Variants in DPYSL2 observed in about 807,000 individuals in gnomAD.
DPYSL2 encodes the protein dihydropyrimidinase like 2.
Under a neutral mutation model 69.9 loss-of-function variants are expected in DPYSL2, and 13 were observed. That is an observed-to-expected ratio of 0.19 (90% CI 0.12 to 0.30). The LOEUF (loss-of-function observed/expected upper bound fraction) is 0.30, where lower values mean the gene tolerates loss of function less well. DPYSL2 is among the 10% of genes least tolerant of loss of function. The probability of loss-of-function intolerance (pLI) is 1.00; values close to 1 mark genes in which losing one functional copy is unlikely to be tolerated. For synonymous variants in DPYSL2, 326 were observed against 359.1 expected, an observed-to-expected ratio of 0.91 and a Z score of 1.04; for missense variants, 587 against 918.9, an observed-to-expected ratio of 0.64 and a Z score of 4.67.
At chr8:26,561,586 T>C (rs1348048273) in intron 1 of DPYSL2, among the ~76,000 whole-genome samples, 1 of 151,406 alleles carries the variant, frequency 6.6e-6, no homozygotes, top group Non-Finnish European at 1.5e-5. Context: ...ACTCACTTGG[T>C]CTTTCTTACA....
At chr8:26,584,024 G>A (rs1801544241) in intron 3 of DPYSL2, 41 bp downstream of exon 3, 3 of 1,567,174 alleles carry the variant, frequency 1.9e-6, no homozygotes, top group Non-Finnish European at 1.7e-6. Context: ...CTTAGGAAGT[G>A]TGAGAGTTTG....
chr8:26,624,414 T>A lies in DPYSL2; in HGVS notation c.793+107T>A, dbSNP rs1802572413. 1 of 1,393,788 alleles carries A rather than the reference T, an allele frequency of 7.2e-7. No homozygotes were observed. Among genetic ancestry groups the A allele is most frequent in the Non-Finnish European group, 9.8e-7 (1 of 1,015,624 alleles). The allele number at this position is 1,393,788 out of a possible 1,614,324, so 86.3% of individuals were successfully genotyped here. On this transcript the variant is annotated intron_variant, in intron 4 of 13. Coordinates refer to ENST00000521913, the MANE Select transcript of DPYSL2 (RefSeq NM_001197293.3). This position sits in a 1 kb window ranked among gnomAD's most constrained non-coding sequence, Gnocchi z 4.7. ...AATGCTTCCAGATCCCATTTGTGCC[T>A]CATGCCCATGCCTGCCCCTGGGAAG... is the stretch of plus-strand genomic sequence containing the variant.
Position 26,560,931 on chromosome 8 carries a change from T to C in DPYSL2, c.355-21038T>C, listed in dbSNP as rs560419307. Among the ~76,000 whole-genome samples, 21 of 152,274 alleles carry C rather than the reference T, an allele frequency of 1.4e-4. No homozygotes were observed. The highest frequency in any genetic ancestry group is 4.6e-4 in the African/African-American group (19 of 41,556). ...CTCCAAGTCTAAAGAAGAATTTAAA[T>C]TGAGCTAGGGGAAGGGAAGTTGTAA... On this transcript the variant is annotated intron_variant, in intron 1 of 13. Coordinates refer to ENST00000521913, the MANE Select transcript of DPYSL2 (RefSeq NM_001197293.3). This position sits in a 1 kb window ranked among gnomAD's most constrained non-coding sequence, Gnocchi z 4.4.
At chr8:26,600,577 A>G (rs1257124972) in intron 3 of DPYSL2, among the ~76,000 whole-genome samples, 1 of 152,074 alleles carries the variant, frequency 6.6e-6, no homozygotes, top group African/African-American at 2.4e-5. Context: ...CCCTAGTCAC[A>G]TTTATCTTGA....
At position 26,514,927 on chromosome 8, in the gene DPYSL2, A is replaced by G. The variant is rs540155176; in HGVS notation, c.354+248A>G. 6.6e-6 allele frequency among the ~76,000 whole-genome samples: 1 copy of G among 152,302 alleles called. No homozygotes were observed. Among genetic ancestry groups the G allele is most frequent in the South Asian group, 2.1e-4 (1 of 4,832 alleles). On this transcript the variant is annotated intron_variant, in intron 1 of 13. Coordinates refer to ENST00000521913, the MANE Select transcript of DPYSL2 (RefSeq NM_001197293.3). The surrounding 1 kb of genome is among the most constrained non-coding windows in gnomAD (Gnocchi z 8.4). ...TGAGCTTGAGAGGTGGGGCGTGGGC[A>G]TAGGGAATGGGCTGATCCCCTGCTG...
intron 2 of DPYSL2, 55 bp from the exon 3 acceptor site, chr8:26,583,744 C>T (rs529738439): frequency 4.6e-6 from 7 of 1,507,290 alleles, no homozygotes; most frequent in Non-Finnish European, 5.4e-6. Context: ...GCTGTCAGAT[C>T]CCATTTGAGT....
intron 3 of DPYSL2, among the ~76,000 whole-genome samples, chr8:26,592,039 C>A (rs1801739644): frequency 6.6e-6 from 1 of 152,200 alleles, no homozygotes; most frequent in Non-Finnish European, 1.5e-5. Context: ...AGACAGGAAC[C>A]AGGGTAGAGC....
chr8:26,608,921 GAATT>G (rs1802166572), intron 3 of DPYSL2, among the ~76,000 whole-genome samples: 1 of 152,192 alleles, frequency 6.6e-6, no homozygotes, highest in Non-Finnish European at 1.5e-5. Context: ...GGGGATGCAA[GAATT>G]GTGCAACCTT....
chr8:26,624,058 A>G lies in DPYSL2; in HGVS notation c.629-85A>G, dbSNP rs1802560590. ...CTCGATTTTGAACCCAAGAAGCCTT[A>G]TTCAGGGTTCAAGTGGGAAAATACC... On this transcript the variant is annotated intron_variant, in intron 3 of 13. Transcript: ENST00000521913. This position sits in a 1 kb window ranked among gnomAD's most constrained non-coding sequence, Gnocchi z 4.7. 6.8e-7 allele frequency: 1 copy of G among 1,467,670 alleles called. No individual in the cohort carries two copies. 90.9% of individuals were successfully genotyped at this position (1,467,670 alleles called of 1,614,324 possible). A position where few individuals can be genotyped will look rare whatever the true frequency, so the allele number is the denominator to read the frequency against.
chr8:26,517,266 C>T lies in DPYSL2; in HGVS notation c.354+2587C>T, dbSNP rs772029959. ...TCCTTGACCCACATGCCACATGGCT[C>T]ATGGAAGATGAGAGATGTTGGACAT... On this transcript the variant is annotated intron_variant, in intron 1 of 13. Transcript: ENST00000521913. The surrounding 1 kb of genome is among the most constrained non-coding windows in gnomAD (Gnocchi z 4.2). 2.4e-4 allele frequency among the ~76,000 whole-genome samples: 36 copies of T among 152,126 alleles called. No individual in the cohort carries two copies. The highest frequency in any genetic ancestry group is 5.1e-4 in the Non-Finnish European group (35 of 68,038).
At position 26,588,997 on chromosome 8, in the gene DPYSL2, G is replaced by A. The variant is rs1801664182; in HGVS notation, c.628+5014G>A. On this transcript the variant is annotated intron_variant, in intron 3 of 13. Coordinates refer to ENST00000521913, the MANE Select transcript of DPYSL2 (RefSeq NM_001197293.3). This position sits in a 1 kb window ranked among gnomAD's most constrained non-coding sequence, Gnocchi z 5.4. ...TGTCCTCTGAGGAGTCTTACTGTCT[G>A]TCCCCCACCTCCTGCCTCTCGCCAG... Among the ~76,000 whole-genome samples the A allele has an allele frequency of 6.6e-6, 1 of 152,134 alleles. No homozygotes were observed. Among genetic ancestry groups the A allele is most frequent in the Non-Finnish European group, 1.5e-5 (1 of 68,034 alleles).
chr8:26,577,864 A>T (rs1198666634), intron 1 of DPYSL2: 1 of 1,087,750 alleles, frequency 9.2e-7, no homozygotes, highest in East Asian at 9.2e-5. Context: ...GTCTCTCTCG[A>T]AGCGGATGGC....
chr8:26,634,711 T>G, intron 7 of DPYSL2, 69 bp from the exon 8 acceptor site: 1 of 1,610,100 alleles, frequency 6.2e-7, no homozygotes, highest in Non-Finnish European at 8.5e-7. Flanking sequence ...CTCTCTGGGG[T>G]GGAGGATAAA....
chr8:26,604,505 C>T (rs1235447754), intron 3 of DPYSL2, among the ~76,000 whole-genome samples: 1 of 152,178 alleles, frequency 6.6e-6, no homozygotes, highest in Non-Finnish European at 1.5e-5. Flanking sequence ...AACCTGCCTG[C>T]CTCATCTTGA....
intron 7 of DPYSL2, among the ~76,000 whole-genome samples, chr8:26,629,392 A>G (rs1239023531): frequency 6.6e-6 from 1 of 152,200 alleles, no homozygotes; most frequent in Non-Finnish European, 1.5e-5. Flanking sequence ...ATGCAGAGGC[A>G]GATACACAGA....
In DPYSL2 at chr8:26,609,864, C is replaced by G. The variant is rs185644934; in HGVS notation, c.629-14279C>G. Among the ~76,000 whole-genome samples the G allele has an allele frequency of 9.1e-4, 139 of 152,346 alleles. 1 individual carries two copies. The highest frequency in any genetic ancestry group is 3.1e-3 in the Admixed American group (48 of 15,306). On this transcript the variant is annotated intron_variant, in intron 3 of 13. Coordinates refer to ENST00000521913, the MANE Select transcript of DPYSL2 (RefSeq NM_001197293.3). This position sits in a 1 kb window ranked among gnomAD's most constrained non-coding sequence, Gnocchi z 6.5. ...TTTCTGGCAGACTTTGTGGTCAAAACTGGGAAGTGTCTGTTTCCTTAAAAC... is the reference window on the plus strand; with the variant it reads ...TTTCTGGCAGACTTTGTGGTCAAAAGTGGGAAGTGTCTGTTTCCTTAAAAC...
chr8:26,530,228 G>A (rs1374361362), intron 1 of DPYSL2, among the ~76,000 whole-genome samples: 2 of 151,676 alleles, frequency 1.3e-5, no homozygotes, highest in Admixed American at 6.6e-5. Context: ...TTTCAGTGAC[G>A]TGACAGAATT....
At position 26,597,476 on chromosome 8, in the gene DPYSL2, T is replaced by C. The variant is rs188591677; in HGVS notation, c.628+13493T>C. On this transcript the variant is annotated intron_variant, in intron 3 of 13. Transcript: ENST00000521913. The surrounding 1 kb of genome is among the most constrained non-coding windows in gnomAD (Gnocchi z 5.2). ...CCACGGGCAGATGGCATTTTTCTTT[T>C]CTTTTCTTTTTTTTTGGATACAGAG... 7.8e-4 allele frequency among the ~76,000 whole-genome samples: 118 copies of C among 152,210 alleles called. No individual in the cohort carries two copies. The highest frequency in any genetic ancestry group is 1.5e-3 in the Admixed American group (23 of 15,300).
intron 1 of DPYSL2, among the ~76,000 whole-genome samples, chr8:26,544,190 C>T (rs1322246089): frequency 2.0e-5 from 3 of 152,164 alleles, no homozygotes; most frequent in Non-Finnish European, 4.4e-5. Flanking sequence ...TCAGGACTTG[C>T]TTGTCCTTTA....
Sources: allele counts gnomAD v4.1 joint callset (sites outside exome capture counted in the v4.1 genomes callset), GRCh38; gene constraint gnomAD v4.1.1; non-coding constraint Gnocchi (gnomAD v3.1); transcripts MANE v1.5; gene names NCBI Gene and HGNC (gene_info 2026-07-23, HGNC 2026-07-21).